The following WDR93 variants were observed in gnomAD, a reference collection of about 807,000 sequenced individuals.
WDR93 encodes WD repeat-containing protein 93.
In WDR93, 73 loss-of-function variants were observed where a neutral mutation model predicts 82.9. That is an observed-to-expected ratio of 0.88 (90% CI 0.73 to 1.07). The LOEUF (loss-of-function observed/expected upper bound fraction) is 1.07. WDR93 is among the 50% of genes least tolerant of loss of function. The probability of loss-of-function intolerance (pLI) is 0.00; values close to 1 mark genes in which losing one functional copy is unlikely to be tolerated. For missense variants in WDR93, 738 were observed against 826.0 expected, an observed-to-expected ratio of 0.89 and a Z score of 1.31; for synonymous variants, 283 against 300.1, an observed-to-expected ratio of 0.94 and a Z score of 0.59.
intron 7 of WDR93, among the ~76,000 whole-genome samples, chr15:89,718,726 C>T (rs9744501): frequency 0.42 from 64,069 of 151,958 alleles, 14,017 homozygotes; most frequent in African/African-American, 0.49. Context: ...GATAAACAGC[C>T]CTCTCCAGAG....
chr15:89,725,377 C>G (rs1020286603), intron 8 of WDR93, among the ~76,000 whole-genome samples: 2 of 151,870 alleles, frequency 1.3e-5, no homozygotes, highest in African/African-American at 4.8e-5. Flanking sequence ...TAGAATCAGG[C>G]AAAATGAAAC....
chr15:89,690,662 C>T, upstream of WDR93: 1 of 1,538,356 alleles, frequency 6.5e-7, no homozygotes, highest in Non-Finnish European at 8.8e-7. Context: ...ACGAGTCGCA[C>T]GGGGCTCAGG....
intron 3 of WDR93, chr15:89,704,476 A>C (rs1403886255): frequency 6.6e-6 from 1 of 152,240 alleles, no homozygotes; most frequent in Non-Finnish European, 1.5e-5. Flanking sequence ...TTAAAAAATG[A>C]AAGGAATGTT....
intron 1 of WDR93, among the ~76,000 whole-genome samples, chr15:89,701,117 T>C (rs1310974325): frequency 2.6e-5 from 4 of 152,178 alleles, no homozygotes; most frequent in African/African-American, 9.7e-5. Context: ...TGGAAGTTTA[T>C]GGGTCTTATT....
rs534385985 is a variant in WDR93 at position 89,723,301 on chromosome 15, G to C, written c.880+1162G>C. 5.0e-4 allele frequency among the ~76,000 whole-genome samples: 76 copies of C among 151,954 alleles called. 1 individual carries two copies. Among genetic ancestry groups the C allele is most frequent in the African/African-American group, 1.7e-3 (72 of 41,424 alleles). ...ATTAAAAAAACAAAAGAGAGGCCAAGTGTGGTGGCTTAAGCCTATAACCCT... is the reference window on the plus strand; with the variant it reads ...ATTAAAAAAACAAAAGAGAGGCCAACTGTGGTGGCTTAAGCCTATAACCCT... On this transcript the variant is annotated intron_variant, in intron 8 of 16. Coordinates refer to ENST00000268130, the MANE Select transcript of WDR93 (RefSeq NM_020212.2).
chr15:89,723,614 A>G lies in WDR93; in HGVS notation c.880+1475A>G, dbSNP rs146014031. Among the ~76,000 whole-genome samples, 637 of 152,372 alleles carry G rather than the reference A, an allele frequency of 4.2e-3. 8 individuals carry two copies. Among genetic ancestry groups the G allele is most frequent in the African/African-American group, 0.015 (609 of 41,584 alleles). ...ATAGAAATATAGATGAAATATAGAA[A>G]TATAGATAGATAGAAATAGCAGATA... On this transcript the variant is annotated intron_variant, in intron 8 of 16. Transcript: ENST00000268130.
chr15:89,736,936 T>A (rs551574102), intron 14 of WDR93, among the ~76,000 whole-genome samples: 2 of 151,922 alleles, frequency 1.3e-5, no homozygotes, highest in African/African-American at 2.4e-5. Context: ...GGACTACAGG[T>A]GCCCGCTAGC....
chr15:89,741,978 C>T (rs929659663), intron 16 of WDR93, among the ~76,000 whole-genome samples: 1 of 152,198 alleles, frequency 6.6e-6, no homozygotes, highest in Non-Finnish European at 1.5e-5. Flanking sequence ...GTATCGATCT[C>T]TTGACCTTGT....
intron 1 of WDR93, among the ~76,000 whole-genome samples, chr15:89,692,937 C>T (rs536922896): frequency 1.3e-5 from 2 of 152,172 alleles, no homozygotes; most frequent in East Asian, 3.9e-4. Flanking sequence ...ACAATTCTGC[C>T]TTTTTCACAA....
chr15:89,724,219 G>T (rs933941800), intron 8 of WDR93, among the ~76,000 whole-genome samples: 1 of 152,112 alleles, frequency 6.6e-6, no homozygotes, highest in Non-Finnish European at 1.5e-5. Flanking sequence ...GCCTGTGCCT[G>T]TAGTCCCAGC....
chr15:89,740,306 T>G (rs1261147617), intron 16 of WDR93, among the ~76,000 whole-genome samples: 3 of 152,138 alleles, frequency 2.0e-5, no homozygotes, highest in Non-Finnish European at 1.5e-5. Flanking sequence ...AAGTCCTTCC[T>G]GCATTGTAGT....
At chr15:89,737,196 T>C (rs1784313014) in intron 14 of WDR93, among the ~76,000 whole-genome samples, 1 of 152,076 alleles carries the variant, frequency 6.6e-6, no homozygotes, top group Non-Finnish European at 1.5e-5. Flanking sequence ...GGAGGGGCTG[T>C]TAGATTGAGC....
Position 89,737,453 on chromosome 15 carries a change from GC to G in WDR93, c.1609-117del, listed in dbSNP as rs371200267. 99 of 1,338,468 alleles carry G rather than the reference GC, an allele frequency of 7.4e-5. No individual in the cohort carries two copies. The African/African-American group carries it at 9.3e-4, about 13-fold the overall frequency. 82.9% of individuals were successfully genotyped at this position (1,338,468 alleles called of 1,614,324 possible). ...GCCCTGGATGGATCCAGAGGCTGGG[GC>G]CCAAGAGGTTTTATGTCCAGCTGCT... On this transcript the variant is annotated intron_variant, in intron 14 of 16. Transcript: ENST00000268130.
intron 12 of WDR93, 35 bp from the exon 13 acceptor site, chr15:89,732,971 G>GT (rs772140085): frequency 1.9e-6 from 3 of 1,607,802 alleles, no homozygotes; most frequent in African/African-American, 1.3e-5. Flanking sequence ...CCCCTACCCC[G>GT]TTTTCTGACC....
At chr15:89,728,959 C>T in intron 9 of WDR93, 64 bp from the exon 10 acceptor site, 1 of 1,436,430 alleles carries the variant, frequency 7.0e-7, no homozygotes, top group South Asian at 1.1e-5. Flanking sequence ...GACCAAGACT[C>T]TGCCAGCAGC....
intron 4 of WDR93, among the ~76,000 whole-genome samples, chr15:89,710,490 C>T (rs1965927695): frequency 6.6e-6 from 1 of 152,070 alleles, no homozygotes; most frequent in South Asian, 2.1e-4. Flanking sequence ...CGTCCTATAC[C>T]TTGACAGGGT....
chr15:89,705,776 G>A (rs1299140815), intron 4 of WDR93, among the ~76,000 whole-genome samples, 158 bp downstream of exon 4: 1 of 152,144 alleles, frequency 6.6e-6, no homozygotes. Context: ...AAAGATCCGC[G>A]ACCATCAAAG....
chr15:89,717,072 CAG>C, intron 7 of WDR93, 123 bp downstream of exon 7: 2 of 411,888 alleles, frequency 4.9e-6, no homozygotes, highest in Non-Finnish European at 7.1e-6. Flanking sequence ...TTTTTTGAGA[CAG>C]AGTTTCATTC....
intron 4 of WDR93, 133 bp from the exon 5 acceptor site, chr15:89,711,893 C>A: frequency 2.0e-6 from 1 of 501,560 alleles, no homozygotes; most frequent in African/African-American, 2.0e-5. Flanking sequence ...AAGTATGAAG[C>A]AGTTTGAAGC....
Sources: allele counts gnomAD v4.1 joint callset (sites outside exome capture counted in the v4.1 genomes callset), GRCh38; gene constraint gnomAD v4.1.1; transcripts MANE v1.5; gene names NCBI Gene and HGNC (gene_info 2026-07-23, HGNC 2026-07-21).